RNF213: variants seen among roughly 807,000 people sequenced by gnomAD.
RNF213 encodes E3 ubiquitin-protein ligase RNF213.
A neutral mutation model predicts 514.4 loss-of-function variants in RNF213; 341 were observed. The observed-to-expected ratio is 0.66, with a 90% CI of 0.61 to 0.73. The LOEUF is 0.73. Ranked by LOEUF, RNF213 falls within the 30% of genes least tolerant of loss-of-function variation. RNF213 has a pLI of 0.00. For synonymous variants in RNF213, 2,655 were observed against 2,658.2 expected, an observed-to-expected ratio of 1.00 and a Z score of 0.04; for missense variants, 5,767 against 6,615.6, an observed-to-expected ratio of 0.87 and a Z score of 4.45.
At chr17:80,278,413 C>T (rs2044145722) in intron 3 of RNF213, among the ~76,000 whole-genome samples, 1 of 152,220 alleles carries the variant, frequency 6.6e-6, no homozygotes, top group Non-Finnish European at 1.5e-5. Context: ...TGAGCACAAG[C>T]CAAGGCATTC....
chr17:80,277,954 C>T (rs960240878), intron 3 of RNF213, among the ~76,000 whole-genome samples: 2 of 152,208 alleles, frequency 1.3e-5, no homozygotes, highest in East Asian at 1.9e-4. Context: ...AGGGAAAGGG[C>T]GCACAGAGAG....
intron 11 of RNF213, among the ~76,000 whole-genome samples, chr17:80,303,381 C>T (rs1417893280): frequency 6.6e-6 from 1 of 152,054 alleles, no homozygotes; most frequent in Admixed American, 6.6e-5. Context: ...AAGAGACGCC[C>T]CCTCATAAAG....
At chr17:80,384,064 C>G (rs527678872) in intron 59 of RNF213, 136 bp downstream of exon 59, 8 of 1,070,302 alleles carry the variant, frequency 7.5e-6, no homozygotes, top group Non-Finnish European at 1.1e-5. Context: ...TAGGATGTAG[C>G]AGAAGACTCA....
intron 20 of RNF213, among the ~76,000 whole-genome samples, chr17:80,329,129 C>G (rs1233874985): frequency 1.3e-5 from 2 of 152,192 alleles, no homozygotes; most frequent in African/African-American, 4.8e-5. Flanking sequence ...CCTCCACCTC[C>G]TAGGAGCCTT....
At position 80,345,544 on chromosome 17, in the gene RNF213, C is replaced by T. The variant is rs368356229; in HGVS notation, c.7209C>T (p.Ile2403=). 20 of 1,613,214 alleles carry T rather than the reference C, an allele frequency of 1.2e-5. No individual in the cohort carries two copies. The highest frequency in any genetic ancestry group is 1.5e-5 in the Non-Finnish European group (18 of 1,179,280). ...TCACAACCGACAATATGCTTAAAAT[C>T]CTTGCCATCGAGATGCGGTTCCGGT... ...YELTTDNMLK[I]LAIEMRFRCG... The change falls in exon 29 of 68, where the codon ATC becomes ATT. Residue 2403 remains isoleucine (I), a synonymous_variant. Transcript: ENST00000582970. This position sits in a 1 kb window ranked among gnomAD's most constrained non-coding sequence, Gnocchi z 6.0.
Position 80,313,043 on chromosome 17 carries a change from A to G in RNF213, c.2687A>G (p.Asn896Ser). 2.5e-6 allele frequency: 4 copies of G among 1,614,048 alleles called. No homozygotes were observed. The highest frequency in any genetic ancestry group is 3.4e-6 in the Non-Finnish European group (4 of 1,180,036). The change falls in exon 15 of 68, where the codon AAT becomes AGT. Residue 896 changes from asparagine (N) to serine (S), a missense_variant. Asn to Ser is a conservative substitution (Grantham distance 46). This residue lies in a region of RNF213 where 592 missense variants were observed against 673.9 expected (regional missense o/e 0.88). Coordinates refer to ENST00000582970, the MANE Select transcript of RNF213 (RefSeq NM_001256071.3). ...DSAGQRDETG[N>S]NSVQTVFQGT... ...GCAGGACAGAGAGATGAAACTGGAA[A>G]TAATTCAGTCCAAACAGTCTTCCAA...
chr17:80,364,306 TTGTAA>T (rs969408909), intron 41 of RNF213, 122 bp from the exon 42 acceptor site: 1 of 1,323,038 alleles, frequency 7.6e-7, no homozygotes, highest in Non-Finnish European at 1.1e-6. Flanking sequence ...TAGGGCTTGC[TTGTAA>T]TCCCAGCCGC....
intron 2 of RNF213, among the ~76,000 whole-genome samples, chr17:80,269,589 G>A (rs188563118): frequency 0.019 from 2,824 of 147,896 alleles, 54 homozygotes; most frequent in East Asian, 0.11. Flanking sequence ...CTATCTATCC[G>A]TCCATCCTAT....
intron 16 of RNF213, among the ~76,000 whole-genome samples, chr17:80,318,095 G>A (rs963171520): frequency 5.3e-5 from 8 of 152,144 alleles, no homozygotes; most frequent in African/African-American, 1.9e-4. Flanking sequence ...TGGAAGTCCA[G>A]CCATCCCTCT....
chr17:80,364,705 C>G, intron 42 of RNF213, 152 bp downstream of exon 42: 1 of 844,048 alleles, frequency 1.2e-6, no homozygotes, highest in Admixed American at 2.2e-5. Context: ...ATCACTAGGC[C>G]ATTACATTTT....
chr17:80,383,601 G>T (rs764191111), intron 58 of RNF213, 76 bp from the exon 59 acceptor site: 36 of 1,461,248 alleles, frequency 2.5e-5, no homozygotes, highest in Non-Finnish European at 3.4e-5. Flanking sequence ...ACCCACTGGT[G>T]GAGTTACTGG....
chr17:80,294,600 C>T, intron 8 of RNF213, 120 bp from the exon 9 acceptor site: 3 of 1,272,422 alleles, frequency 2.4e-6, no homozygotes, highest in Admixed American at 1.7e-5. Context: ...CCCTTCCTCC[C>T]TTCCTCTGCC....
At chr17:80,291,868 T>C (rs7503557) in intron 8 of RNF213, 41 bp downstream of exon 8, 140,973 of 1,605,130 alleles carry the variant, frequency 0.088, 10,848 homozygotes, top group African/African-American at 0.39. Context: ...CCCTCCGGAG[T>C]GCAGGTGCCA....
intron 20 of RNF213, among the ~76,000 whole-genome samples, chr17:80,331,094 C>T (rs568905698): frequency 2.0e-4 from 30 of 152,242 alleles, no homozygotes; most frequent in Non-Finnish European, 2.9e-4. Context: ...GCTGGGATTA[C>T]GGGCGTGAGC....
At chr17:80,372,122 G>A in intron 47 of RNF213, 137 bp downstream of exon 47, 2 of 691,692 alleles carry the variant, frequency 2.9e-6, no homozygotes. Flanking sequence ...AGGTTTCAAA[G>A]ACGCGGCTTC....
Position 80,390,047 on chromosome 17 carries a change from G to A in RNF213, c.15321G>A (p.Ala5107=), listed in dbSNP as rs3185057. The change falls in exon 67 of 68, where the codon GCG becomes GCA. Residue 5107 remains alanine (A), a synonymous_variant. Coordinates refer to ENST00000582970, the MANE Select transcript of RNF213 (RefSeq NM_001256071.3). ...PFGEISSRYK[A]DLSPENAKLL... is the part of the protein sequence containing the mutation. ...GGGAAATCAGTTCAAGGTACAAAGC[G>A]GATCTGAGCCCGGAAAATGCTAAGC... is the stretch of plus-strand genomic sequence containing the variant. 0.079 allele frequency: 127,576 copies of A among 1,614,112 alleles called. 5,482 individuals are homozygous for A. Among genetic ancestry groups the A allele is most frequent in the Middle Eastern group, 0.15 (920 of 6,062 alleles).
Position 80,385,103 on chromosome 17 carries a change from A to C in RNF213, c.14387A>C (p.Lys4796Thr), listed in dbSNP as rs565577597. ...TTGGCCTTGCAAAGGGATCTAGTGA[A>C]GCAGTTCCAGAACGTCCAGCAAGTT... ...EILALQRDLV[K>T]QFQNVQQVEY... Residue 4796 changes from lysine (K) to threonine (T), a missense_variant, in exon 60 of 68, where the codon AAG (lysine) becomes ACG (threonine). Transcript: ENST00000582970. 1.2e-6 allele frequency: 2 copies of C among 1,614,170 alleles called. No homozygotes were observed. Among genetic ancestry groups the C allele is most frequent in the South Asian group, 2.2e-5 (2 of 91,084 alleles).
At chr17:80,386,986 A>G (rs970985583) in intron 63 of RNF213, 95 bp downstream of exon 63, 6 of 1,212,462 alleles carry the variant, frequency 4.9e-6, no homozygotes, top group Non-Finnish European at 4.7e-6. Context: ...GCAGCACCTC[A>G]CCCTGCAGTC....
At chr17:80,308,952 A>T (rs557470025) in intron 13 of RNF213, 66 bp from the exon 14 acceptor site, 11 of 1,597,736 alleles carry the variant, frequency 6.9e-6, no homozygotes, top group East Asian at 2.2e-5. Context: ...CTAGTCATCA[A>T]TGGTAACCAT....
Sources: gnomAD v4.1 joint callset for allele counts (sites outside exome capture counted in the v4.1 genomes callset) on GRCh38, gnomAD v4.1.1 for gene constraint, gnomAD v4.1.1 regional missense constraint, Gnocchi (gnomAD v3.1) non-coding constraint, MANE v1.5 for transcripts, NCBI Gene and HGNC (gene_info 2026-07-23, HGNC 2026-07-21) for gene names.